Variants in MGAT4C observed in about 807,000 individuals in gnomAD.
MGAT4C encodes the protein MGAT4 family member C.
Under a neutral mutation model 40.1 loss-of-function variants are expected in MGAT4C, and 19 were observed. The observed-to-expected ratio is 0.47, with a 90% confidence interval of 0.33 to 0.70. The LOEUF is 0.70. Among genes scored for constraint, MGAT4C ranks in the 30% least tolerant of loss-of-function variants. The probability of loss-of-function intolerance (pLI) is 0.02; values close to 1 mark genes in which losing one functional copy is unlikely to be tolerated. For synonymous variants in MGAT4C, 181 were observed against 187.1 expected, an observed-to-expected ratio of 0.97 and a Z score of 0.27; for missense variants, 491 against 563.2, an observed-to-expected ratio of 0.87 and a Z score of 1.30.
chr12:86,550,125 TTCCTGCTGCCTCGTG>T (rs2136395103), intron 2 of MGAT4C, among the ~76,000 whole-genome samples: 1 of 152,278 alleles, frequency 6.6e-6, no homozygotes, highest in African/African-American at 2.4e-5. Flanking sequence ...TTCCCTCTCT[TTCCTGCTGCCTCGTG>T]AAGAAATAGG....
At chr12:86,153,541 T>C (rs1000577967) in intron 1 of MGAT4C, among the ~76,000 whole-genome samples, 1 of 152,186 alleles carries the variant, frequency 6.6e-6, no homozygotes, top group Non-Finnish European at 1.5e-5. Context: ...CCAAATCTTA[T>C]CTCTCATTGT....
rs566176924 is a variant in MGAT4C at position 86,135,446 on chromosome 12, G to A, written c.-56-85723C>T. Among the ~76,000 whole-genome samples the A allele has an allele frequency of 4.6e-5, 7 of 152,074 alleles. No individual in the cohort carries two copies. In the East Asian group the frequency reaches 1.4e-3, roughly 29 times the overall value. ...ACAGCCATATGACTATCAGGGGAGA[G>A]TATGTGCGTGATCTTATTTGTAAGG... On this transcript the variant is annotated intron_variant, in intron 1 of 4. Coordinates refer to ENST00000611864, the MANE Select transcript of MGAT4C (RefSeq NM_001351288.2).
intron 1 of MGAT4C, among the ~76,000 whole-genome samples, chr12:86,737,008 A>G (rs536989982): frequency 8.3e-5 from 12 of 145,128 alleles, no homozygotes; most frequent in African/African-American, 3.0e-4. Context: ...CTAACTTGCA[A>G]TTCTATAAAA....
chr12:86,088,988 T>C (rs1872409018), intron 1 of MGAT4C, among the ~76,000 whole-genome samples: 1 of 152,062 alleles, frequency 6.6e-6, no homozygotes, highest in South Asian at 2.1e-4. Context: ...AGCCATTTCA[T>C]ATGTTTCATG....
intron 4 of MGAT4C, among the ~76,000 whole-genome samples, chr12:86,322,829 T>G (rs1047304403): frequency 1.3e-5 from 2 of 152,112 alleles, no homozygotes; most frequent in African/African-American, 4.8e-5. Context: ...GACAAGGTAC[T>G]TTAGATTTGG....
intron 2 of MGAT4C, among the ~76,000 whole-genome samples, chr12:86,556,181 ATAAT>A (rs1428135984): frequency 6.6e-6 from 1 of 152,222 alleles, no homozygotes; most frequent in Non-Finnish European, 1.5e-5. Flanking sequence ...CCATTGTTAA[ATAAT>A]TAGACTTTAA....
chr12:86,427,416 C>A (rs1956950164), intron 3 of MGAT4C, among the ~76,000 whole-genome samples: 2 of 151,580 alleles, frequency 1.3e-5, no homozygotes, highest in Admixed American at 1.3e-4. Flanking sequence ...TTTATCTTTT[C>A]AAAAGGAAAA....
chr12:86,823,336 TTG>T (rs1165019046), intron 1 of MGAT4C, among the ~76,000 whole-genome samples: 2 of 151,318 alleles, frequency 1.3e-5, no homozygotes, highest in East Asian at 3.9e-4. Flanking sequence ...AAATTGGGTC[TTG>T]GCTTTTTGAA....
In MGAT4C at chr12:85,967,163, T is replaced by G. The variant is rs180914796; in HGVS notation, c.*12126A>C. On this transcript the variant is annotated 3_prime_UTR_variant, in exon 5 of 5. Transcript: ENST00000611864. The stretch of plus-strand genomic sequence containing the variant: ...TGATTTGTCTTTTTCTTATTTGATA[T>G]CAGCTAGCAGTAAAATTGTGAACAA... The G allele has an allele frequency of 9.8e-5, 15 of 152,332 alleles. No individual in the cohort carries two copies. Among genetic ancestry groups the G allele is most frequent in the Admixed American group, 7.2e-4 (11 of 15,294 alleles). 9.4% of individuals were successfully genotyped at this position (152,332 alleles called of 1,614,324 possible).
At chr12:86,810,505 C>T (rs1259823078) in intron 1 of MGAT4C, among the ~76,000 whole-genome samples, 2 of 151,204 alleles carry the variant, frequency 1.3e-5, no homozygotes, top group Admixed American at 6.6e-5. Flanking sequence ...AGGTAATTCC[C>T]TTGTATTTCT....
rs1950213783 is a variant in MGAT4C, at chr12:86,205,394, G to T, written c.-57+50845C>A. Reference sequence around the variant, plus strand: ...ATTTAAAATTCCCCCTTGAAAAATTGCTTTATTAAAGTGAAATATTTGAAT... The same window carrying T: ...ATTTAAAATTCCCCCTTGAAAAATTTCTTTATTAAAGTGAAATATTTGAAT... On this transcript the variant is annotated intron_variant, in intron 1 of 4. Coordinates refer to ENST00000611864, the MANE Select transcript of MGAT4C (RefSeq NM_001351288.2). Among the ~76,000 whole-genome samples the T allele has an allele frequency of 2.6e-5, 4 of 151,176 alleles. No homozygotes were observed. The South Asian group carries it at 8.4e-4, about 32-fold the overall frequency.
chr12:86,625,718 T>G (rs1035925419), intron 2 of MGAT4C, among the ~76,000 whole-genome samples: 2 of 152,110 alleles, frequency 1.3e-5, no homozygotes, highest in African/African-American at 4.8e-5. Context: ...ATGTATTTTA[T>G]AAGTCCTAAA....
intron 4 of MGAT4C, among the ~76,000 whole-genome samples, chr12:86,278,705 G>A (rs1953138093): frequency 6.6e-6 from 1 of 151,610 alleles, no homozygotes; most frequent in Non-Finnish European, 1.5e-5. Flanking sequence ...TCTTTTTTCT[G>A]ATTGCTTTAG....
intron 1 of MGAT4C, among the ~76,000 whole-genome samples, chr12:86,083,049 TCTTA>T (rs1255285606): frequency 3.3e-5 from 5 of 152,076 alleles, no homozygotes; most frequent in African/African-American, 1.2e-4. Context: ...CCAAGCATCC[TCTTA>T]CTTATGTGTC....
chr12:86,631,889 G>T (rs1337137191), intron 2 of MGAT4C, among the ~76,000 whole-genome samples: 1 of 152,166 alleles, frequency 6.6e-6, no homozygotes, highest in Admixed American at 6.5e-5. Context: ...GGCAACAAAA[G>T]CTAAAATTGA....
upstream of MGAT4C, among the ~76,000 whole-genome samples, chr12:86,259,402 A>AG (rs1432427266): frequency 6.6e-6 from 1 of 152,086 alleles, no homozygotes; most frequent in African/African-American, 2.4e-5. Flanking sequence ...TACTAAAATA[A>AG]TATTATTAAG....
chr12:86,167,349 C>T (rs1040584387), intron 1 of MGAT4C, among the ~76,000 whole-genome samples: 2 of 152,136 alleles, frequency 1.3e-5, no homozygotes, highest in African/African-American at 4.8e-5. Context: ...TTTTGAGAAG[C>T]ACTGATGTAG....
intron 1 of MGAT4C, among the ~76,000 whole-genome samples, chr12:86,080,573 G>A (rs1040431296): frequency 3.9e-5 from 6 of 151,952 alleles, no homozygotes; most frequent in South Asian, 4.2e-4. Flanking sequence ...ATGTCAGAGC[G>A]CACACACGCT....
chr12:86,793,810 T>C (rs1310058590), intron 1 of MGAT4C, among the ~76,000 whole-genome samples: 1 of 152,038 alleles, frequency 6.6e-6, no homozygotes, highest in African/African-American at 2.4e-5. Flanking sequence ...AGCCACAATC[T>C]GTAACTCTTA....
Sources: allele counts gnomAD v4.1 joint callset (sites outside exome capture counted in the v4.1 genomes callset), GRCh38; gene constraint gnomAD v4.1.1; transcripts MANE v1.5; gene names NCBI Gene and HGNC (gene_info 2026-07-23, HGNC 2026-07-21).